CYP3A4: variants seen among roughly 807,000 people sequenced by gnomAD.
CYP3A4 encodes the protein cytochrome P450 3A4.
In CYP3A4, 41 loss-of-function variants were observed where a neutral mutation model predicts 54.9. The observed-to-expected ratio is 0.75, with a 90% CI of 0.58 to 0.97. The LOEUF (loss-of-function observed/expected upper bound fraction) is 0.97. Ranked by LOEUF, CYP3A4 falls within the 50% of genes least tolerant of loss-of-function variation. CYP3A4 has a pLI of 0.00. For synonymous variants in CYP3A4, 179 were observed against 205.2 expected (o/e 0.87, Z 1.09); for missense variants, 510 against 597.3 (o/e 0.85, Z 1.52).
chr7:99,778,024 T>C lies in CYP3A4; in HGVS notation c.218+4A>G, dbSNP rs1350412328. ...TATCCAATGGAAGTTTCCAGAATACTCACCCCCACACTTTTCCATACTTTT... is the reference window on the plus strand; with the variant it reads ...TATCCAATGGAAGTTTCCAGAATACCCACCCCCACACTTTTCCATACTTTT... On this transcript the variant is annotated splice_donor_region_variant and intron_variant, in intron 3 of 12. Transcript: ENST00000651514. 1 of 1,611,922 alleles carries C rather than the reference T, an allele frequency of 6.2e-7. No individual in the cohort carries two copies. The highest frequency in any genetic ancestry group is 8.5e-7 in the Non-Finnish European group (1 of 1,178,174).
chr7:99,778,851 G>C (rs577300343), intron 2 of CYP3A4, among the ~76,000 whole-genome samples: 4 of 152,344 alleles, frequency 2.6e-5, no homozygotes, highest in African/African-American at 9.6e-5. Flanking sequence ...ATCTACTAAA[G>C]AGTTGACCTG....
chr7:99,758,545 G>A (rs1815240410), intron 12 of CYP3A4, among the ~76,000 whole-genome samples: 1 of 152,152 alleles, frequency 6.6e-6, no homozygotes, highest in Admixed American at 6.5e-5. Flanking sequence ...CCAGGCCTGA[G>A]ACAAATTCAT....
At chr7:99,759,913 C>T (rs1020980604) in intron 12 of CYP3A4, among the ~76,000 whole-genome samples, 5 of 152,006 alleles carry the variant, frequency 3.3e-5, no homozygotes, top group Admixed American at 6.5e-5. Flanking sequence ...CGGCTCACTG[C>T]AGGCTCCGCT....
At position 99,784,163 on chromosome 7, in the gene CYP3A4, C is replaced by T; in HGVS notation, c.-82G>A. 7.8e-7 allele frequency: 1 copy of T among 1,274,122 alleles called. No homozygotes were observed. Among genetic ancestry groups the T allele is most frequent in the Non-Finnish European group, 1.1e-6 (1 of 875,250 alleles). The allele number at this position is 1,274,122 out of a possible 1,614,324, so 78.9% of individuals were successfully genotyped here. A position where few individuals can be genotyped will look rare whatever the true frequency, so the allele number is the denominator to read the frequency against. On this transcript the variant is annotated 5_prime_UTR_variant, in exon 1 of 13. Transcript: ENST00000651514. The stretch of plus-strand genomic sequence containing the variant: ...TCTTTGCTGGGCTATGTGCATGGAG[C>T]TTTCCTGCCCTGCACAGCAGTGATT...
chr7:99,771,618 T>A (rs555588944), intron 4 of CYP3A4, among the ~76,000 whole-genome samples: 1 of 152,312 alleles, frequency 6.6e-6, no homozygotes, highest in South Asian at 2.1e-4. Flanking sequence ...TCATTCTGAA[T>A]TTTTATGGAA....
At position 99,760,948 on chromosome 7, in the gene CYP3A4, A is replaced by G. The variant is rs769629221; in HGVS notation, c.1287T>C (p.Pro429=). 8 of 1,614,034 alleles carry G rather than the reference A, an allele frequency of 5.0e-6. No individual in the cohort carries two copies. The highest frequency in any genetic ancestry group is 5.9e-6 in the Non-Finnish European group (7 of 1,179,952). Residue 429 remains proline, a synonymous_variant, in exon 12 of 13, where the codon CCT becomes CCC. Transcript: ENST00000651514. ...CACTTCCAAAGGGTGTGTATATGTA[A>G]GGATCTATGTTGTCCTTGTTCTTCT... ...FSKKNKDNID[P]YIYTPFGSGP...
intron 12 of CYP3A4, among the ~76,000 whole-genome samples, chr7:99,760,339 A>C (rs1377062679): frequency 6.6e-6 from 1 of 152,160 alleles, no homozygotes; most frequent in Non-Finnish European, 1.5e-5. Flanking sequence ...CTCTGGGCAA[A>C]TTAGTTTAGA....
intron 9 of CYP3A4, 85 bp from the exon 10 acceptor site, chr7:99,764,100 C>G: frequency 6.3e-7 from 1 of 1,588,424 alleles, no homozygotes; most frequent in Non-Finnish European, 8.6e-7. Context: ...AAGTGAAGCC[C>G]TCAAATCCCT....
rs1350331035 is a variant in CYP3A4, at chr7:99,761,498, C to CTAA, written c.1254-518_1254-517insTTA. Among the ~76,000 whole-genome samples the CTAA allele has an allele frequency of 3.9e-5, 6 of 152,152 alleles. No homozygotes were observed. The South Asian group carries it at 8.3e-4, about 21-fold the overall frequency. ...CTCCCTCCTTCTCCTCCTTCTTCTT[C>CTAA]TCTCCATCTCTCCCTCTTTCTCCCC... On this transcript the variant is annotated intron_variant, in intron 11 of 12. Transcript: ENST00000651514.
At position 99,784,096 on chromosome 7, in the gene CYP3A4, C is replaced by T; in HGVS notation, c.-15G>A. On this transcript the variant is annotated 5_prime_UTR_variant, in exon 1 of 13. Transcript: ENST00000651514. ...ATGAGAGCCATCACTACTTTCCTTA[C>T]TTATCTCTCTCCTCTGAGTCTTCCT... The T allele has an allele frequency of 6.2e-7, 1 of 1,610,632 alleles. No homozygotes were observed. The highest frequency in any genetic ancestry group is 8.5e-7 in the Non-Finnish European group (1 of 1,176,890).
At chr7:99,776,890 C>T (rs541462345) in intron 3 of CYP3A4, among the ~76,000 whole-genome samples, 3 of 152,020 alleles carry the variant, frequency 2.0e-5, no homozygotes, top group South Asian at 4.2e-4. Context: ...TCCATCAGCC[C>T]GCCAGTGGTT....
intron 2 of CYP3A4, among the ~76,000 whole-genome samples, chr7:99,779,698 A>G (rs1398023068): frequency 6.6e-6 from 1 of 152,200 alleles, no homozygotes; most frequent in African/African-American, 2.4e-5. Flanking sequence ...ACCTGCATAG[A>G]GCAAAAAGAA....
chr7:99,769,970 T>C, intron 5 of CYP3A4, 114 bp from the exon 6 acceptor site: 1 of 1,574,212 alleles, frequency 6.4e-7, no homozygotes, highest in Non-Finnish European at 8.7e-7. Flanking sequence ...AATTTTGTGA[T>C]GTGTTTTCTG....
In CYP3A4 at chr7:99,768,454, T is replaced by C. The variant is rs111768354; in HGVS notation, c.570A>G (p.Gly190=). ...SMDVITSTSF[G]VNIDSLNNPQ... is the part of the protein sequence containing the mutation. ...GATTGTTGAGAGAGTCGATGTTCACTCCAAATGATGTGCTAGTGATCACAT... is the reference window on the plus strand; with the variant it reads ...GATTGTTGAGAGAGTCGATGTTCACCCCAAATGATGTGCTAGTGATCACAT... Residue 190 remains glycine, a synonymous_variant, in exon 7 of 13, where the codon GGA becomes GGG. Transcript: ENST00000651514. The C allele has an allele frequency of 1.8e-5, 29 of 1,613,956 alleles. 1 individual carries two copies. The highest frequency in any genetic ancestry group is 1.6e-4 in the African/African-American group (12 of 74,932).
At chr7:99,778,787 G>A (rs1401285967) in intron 2 of CYP3A4, among the ~76,000 whole-genome samples, 2 of 152,176 alleles carry the variant, frequency 1.3e-5, no homozygotes, top group African/African-American at 4.8e-5. Flanking sequence ...CATTTCAGGG[G>A]TGACATTTTA....
At position 99,768,818 on chromosome 7, in the gene CYP3A4, G is replaced by C. The variant is rs113655375; in HGVS notation, c.522-316C>G. ...CATGTATTGATTGTGGATGATACAA[G>C]ATGGGTAAGCACTGTGCTTCAGCAG... On this transcript the variant is annotated intron_variant, in intron 6 of 12. Transcript: ENST00000651514. 4.8e-3 allele frequency among the ~76,000 whole-genome samples: 733 copies of C among 152,300 alleles called. 8 individuals are homozygous for C. Among genetic ancestry groups the C allele is most frequent in the African/African-American group, 0.016 (685 of 41,572 alleles).
intron 3 of CYP3A4, 24 bp downstream of exon 3, chr7:99,778,004 A>C: frequency 6.3e-7 from 1 of 1,598,800 alleles, no homozygotes; most frequent in South Asian, 1.1e-5. Context: ...AAGTCTATCC[A>C]ATGGAAGTTT....
At chr7:99,770,351 G>A in intron 4 of CYP3A4, 116 bp from the exon 5 acceptor site, 2 of 949,342 alleles carry the variant, frequency 2.1e-6, no homozygotes, top group Non-Finnish European at 3.2e-6. Context: ...CTGTCTACTG[G>A]GTGATGGGCC....
chr7:99,762,166 G>C lies in CYP3A4; in HGVS notation c.1128C>G (p.Val376=), dbSNP rs767732018. ...CATTGATCTCAACATCTTTTTTGCA[G>C]ACCCTCTCAAGTCTCATAGCAATTG... ...LFPIAMRLER[V]CKKDVEINGM... Residue 376 remains valine (V), a synonymous_variant, in exon 11 of 13, where the codon GTC becomes GTG. Transcript: ENST00000651514. 1 of 1,613,936 alleles carries C rather than the reference G, an allele frequency of 6.2e-7. No homozygotes were observed. Among genetic ancestry groups the C allele is most frequent in the East Asian group, 2.2e-5 (1 of 44,866 alleles).
Sources: gnomAD v4.1 joint callset for allele counts (sites outside exome capture counted in the v4.1 genomes callset) on GRCh38, gnomAD v4.1.1 for gene constraint, MANE v1.5 for transcripts, NCBI Gene and HGNC (gene_info 2026-07-23, HGNC 2026-07-21) for gene names.